The following ZNF106 variants were observed in gnomAD, a reference collection of about 807,000 sequenced individuals.
The protein encoded by ZNF106 is SH3-domain binding protein 3.
Under a neutral mutation model 195.1 loss-of-function variants are expected in ZNF106, and 67 were observed. The ratio of observed to expected loss-of-function variants is 0.34; its 90% CI spans 0.28 to 0.42. ZNF106 has a LOEUF of 0.42. ZNF106 is among the 10% of genes least tolerant of loss of function. The probability of loss-of-function intolerance (pLI) is 1.00; values close to 1 mark genes in which losing one functional copy is unlikely to be tolerated. For synonymous variants in ZNF106, 784 were observed against 818.6 expected, an observed-to-expected ratio of 0.96 and a Z score of 0.72; for missense variants, 2,118 against 2,304.5, an observed-to-expected ratio of 0.92 and a Z score of 1.66.
chr15:42,450,829 T>G lies in ZNF106; in HGVS notation c.1443A>C (p.Pro481=). ...PSLKSPLLPC[P]ATKSLSQKQD... ...GCTTTTGAGACAATGATTTAGTGGC[T>G]GGACATGGAAGGAGTGGGGATTTCA... Residue 481 remains proline, a synonymous_variant, in exon 5 of 22, where the codon CCA becomes CCC. Transcript: ENST00000564754. 6.2e-7 allele frequency: 1 copy of G among 1,614,214 alleles called. No individual in the cohort carries two copies. The highest frequency in any genetic ancestry group is 8.5e-7 in the Non-Finnish European group (1 of 1,180,038).
intron 14 of ZNF106, among the ~76,000 whole-genome samples, chr15:42,430,570 A>C (rs975421940): frequency 6.6e-6 from 1 of 151,600 alleles, no homozygotes; most frequent in Admixed American, 6.6e-5. Flanking sequence ...TTTTTTGGAG[A>C]GATGAGGTCT....
intron 1 of ZNF106, among the ~76,000 whole-genome samples, chr15:42,489,031 T>C (rs1336889022): frequency 2.0e-5 from 3 of 147,102 alleles, no homozygotes; most frequent in Admixed American, 1.4e-4. Context: ...TGAGCTGGGA[T>C]TGCGCCACTG....
At position 42,460,131 on chromosome 15, in the gene ZNF106, T is replaced by C. The variant is rs562229744; in HGVS notation, c.117-2973A>G. On this transcript the variant is annotated intron_variant, in intron 3 of 21. Coordinates refer to ENST00000564754, the MANE Select transcript of ZNF106 (RefSeq NM_001366845.3). Reference sequence around the variant, plus strand: ...GCCTACTTTTCTACCTAAAAGCTCATAGAATGCTAAACTGAATATTGCAGT... The same window carrying C: ...GCCTACTTTTCTACCTAAAAGCTCACAGAATGCTAAACTGAATATTGCAGT... 4.7e-4 allele frequency among the ~76,000 whole-genome samples: 71 copies of C among 152,192 alleles called. No homozygotes were observed. In the South Asian group the frequency reaches 0.013, roughly 28 times the overall value.
Position 42,450,937 on chromosome 15 carries a change from G to A in ZNF106, c.1335C>T (p.Ser445=), listed in dbSNP as rs772438837. Residue 445 remains serine, a synonymous_variant, in exon 5 of 22, where the codon TCC becomes TCT. Transcript: ENST00000564754. ...GSLNHKASSD[S]AASFEVVRQC... ...GTCTCACCACCTCGAAGGAAGCAGC[G>A]GAATCAGAAGAGGCCTTGTGATTAA... 5.5e-5 allele frequency: 88 copies of A among 1,614,004 alleles called. No homozygotes were observed. The highest frequency in any genetic ancestry group is 1.3e-4 in the Admixed American group (8 of 59,980).
At chr15:42,428,619 G>A (rs1430749488) in intron 14 of ZNF106, among the ~76,000 whole-genome samples, 1 of 152,114 alleles carries the variant, frequency 6.6e-6, no homozygotes, top group Non-Finnish European at 1.5e-5. Context: ...TTACTCAAGA[G>A]GCTTTTAAAA....
rs1348697484 is a variant in ZNF106 at position 42,437,326 on chromosome 15, T to G, written c.4652A>C (p.Glu1551Ala). Residue 1551 changes from glutamate to alanine, a missense_variant, in exon 13 of 22, where the codon GAG becomes GCG. Transcript: ENST00000564754. ...DDDEPTEGSF[E>A]GHQAAVNAIQ... ...TGCATTTACGGCAGCTTGGTGTCCC[T>G]CAAAGCTTCCTTCTGTGGGTTCATC... 3 of 1,614,040 alleles carry G rather than the reference T, an allele frequency of 1.9e-6. No individual in the cohort carries two copies. Among genetic ancestry groups the G allele is most frequent in the Non-Finnish European group, 2.5e-6 (3 of 1,180,006 alleles).
intron 2 of ZNF106, among the ~76,000 whole-genome samples, chr15:42,470,565 G>C (rs1455000916): frequency 6.6e-6 from 1 of 152,090 alleles, no homozygotes; most frequent in Non-Finnish European, 1.5e-5. Context: ...CCTAGGGCAG[G>C]AGTAGATAAT....
intron 15 of ZNF106, among the ~76,000 whole-genome samples, chr15:42,426,408 A>AT (rs2054857939): frequency 6.6e-6 from 1 of 151,770 alleles, no homozygotes. Flanking sequence ...AAAAAAAAAA[A>AT]AAAGAGAGAG....
intron 12 of ZNF106, among the ~76,000 whole-genome samples, chr15:42,437,874 T>G (rs1014879463): frequency 7.2e-6 from 1 of 138,316 alleles, no homozygotes; most frequent in African/African-American, 2.8e-5. Flanking sequence ...ACCACTGGAC[T>G]CCAGCCTGGG....
At chr15:42,460,860 CAAA>C (rs34054288) in intron 3 of ZNF106, among the ~76,000 whole-genome samples, 1 of 110,576 alleles carries the variant, frequency 9.0e-6, no homozygotes. Flanking sequence ...AACTCCGTCT[CAAA>C]AAAAAAAAAA....
chr15:42,457,184 A>AT, intron 3 of ZNF106, 26 bp from the exon 4 acceptor site: 1 of 1,614,044 alleles, frequency 6.2e-7, no homozygotes, highest in Non-Finnish European at 8.5e-7. Flanking sequence ...GATGAGGGAC[A>AT]TTCAATTCTC....
At chr15:42,490,047 T>A (rs537067366) in intron 1 of ZNF106, among the ~76,000 whole-genome samples, 23 of 143,746 alleles carry the variant, frequency 1.6e-4, no homozygotes, top group Admixed American at 4.1e-4. Context: ...CTAAAAAAAA[T>A]AATAATAATA....
At position 42,428,014 on chromosome 15, in the gene ZNF106, TA is replaced by T. The variant is rs774025946; in HGVS notation, c.4998+3del. 5 of 1,612,114 alleles carry T rather than the reference TA, an allele frequency of 3.1e-6. No individual in the cohort carries two copies. Among genetic ancestry groups the T allele is most frequent in the Non-Finnish European group, 2.5e-6 (3 of 1,178,222 alleles). On this transcript the variant is annotated splice_donor_region_variant and intron_variant, in intron 15 of 21. Transcript: ENST00000564754. ...AGTAAGCCTTTTCTCCTCCAACCAC[TA>T]ACCTTTATGTTGAAGGTGACCACAG... is the stretch of plus-strand genomic sequence containing the variant.
intron 20 of ZNF106, among the ~76,000 whole-genome samples, chr15:42,420,673 A>G (rs2054622585): frequency 6.6e-6 from 1 of 152,198 alleles, no homozygotes. Flanking sequence ...AAAACCACAC[A>G]ATTCAGCCTG....
At chr15:42,432,146 G>C (rs1292025347) in intron 14 of ZNF106, among the ~76,000 whole-genome samples, 1 of 152,024 alleles carries the variant, frequency 6.6e-6, no homozygotes, top group Admixed American at 6.6e-5. Flanking sequence ...CCTTTCTCCA[G>C]TAGTATTCCT....
At chr15:42,432,736 T>G (rs1015319419) in intron 14 of ZNF106, among the ~76,000 whole-genome samples, 3 of 150,710 alleles carry the variant, frequency 2.0e-5, no homozygotes, top group Admixed American at 6.6e-5. Context: ...AAAATTTAAT[T>G]GGCAAACCAT....
rs2055570809 is a variant in ZNF106, at chr15:42,442,318, A to T, written c.3518T>A (p.Leu1173Gln). 6.2e-7 allele frequency: 1 copy of T among 1,614,240 alleles called. No homozygotes were observed. The highest frequency in any genetic ancestry group is 8.5e-7 in the Non-Finnish European group (1 of 1,180,050). The stretch of plus-strand genomic sequence containing the variant: ...AAGTGGGAAAAAGGGAGTGGGCAGC[A>T]GTGCGGCATCAATGGATGTTTGAGA... Reference protein sequence around the residue: ...SRSQTSIDAALLPTPFFPLFL... With the variant: ...SRSQTSIDAAQLPTPFFPLFL... The change falls in exon 10 of 22, where the codon CTG becomes CAG. Residue 1173 changes from leucine to glutamine, a missense_variant. By Grantham distance (113) the Leu-to-Gln change is moderately radical (BLOSUM62 -2). Coordinates refer to ENST00000564754, the MANE Select transcript of ZNF106 (RefSeq NM_001366845.3).
In ZNF106 at chr15:42,451,897, T is replaced by C. The variant is rs148591205; in HGVS notation, c.375A>G (p.Gln125=). 52 of 1,614,172 alleles carry C rather than the reference T, an allele frequency of 3.2e-5. 1 individual carries two copies. The highest frequency in any genetic ancestry group is 2.3e-4 in the African/African-American group (17 of 75,060). Residue 125 remains glutamine (Q), a synonymous_variant, in exon 5 of 22, where the codon CAA becomes CAG. Transcript: ENST00000564754. ...QEINSDDRRP[Q]WRREDRIPYQ... ...AAGGAATTCGGTCTTCTCGTCTCCATTGGGGTCGTCTGTCATCAGAGTTTA... is the reference window on the plus strand; with the variant it reads ...AAGGAATTCGGTCTTCTCGTCTCCACTGGGGTCGTCTGTCATCAGAGTTTA...
intron 10 of ZNF106, among the ~76,000 whole-genome samples, chr15:42,441,154 G>C (rs905161801): frequency 1.2e-4 from 16 of 136,872 alleles, no homozygotes; most frequent in Non-Finnish European, 1.7e-4. Context: ...GGGCAACATG[G>C]TGAATCCCCA....
Sources: gnomAD v4.1 joint callset for allele counts (sites outside exome capture counted in the v4.1 genomes callset) on GRCh38, gnomAD v4.1.1 for gene constraint, MANE v1.5 for transcripts, NCBI Gene and HGNC (gene_info 2026-07-23, HGNC 2026-07-21) for gene names.